The following MEI4 variants were observed in gnomAD, a reference collection of about 807,000 sequenced individuals.
MEI4 encodes the protein meiosis-specific protein MEI4.
Under a neutral mutation model 31.4 loss-of-function variants are expected in MEI4, and 27 were observed. The observed-to-expected ratio is 0.86, with a 90% confidence interval of 0.63 to 1.19. The LOEUF (loss-of-function observed/expected upper bound fraction) is 1.19. Among genes scored for constraint, MEI4 ranks in the 50% most tolerant of loss-of-function variants. The pLI is 0.00. For synonymous variants in MEI4, 122 were observed against 145.4 expected (o/e 0.84, Z 1.16); for missense variants, 329 against 398.9 (o/e 0.82, Z 1.49).
At position 77,925,390 on chromosome 6, in the gene MEI4, T is replaced by A. The variant is rs1054074928; in HGVS notation, c.*2044T>A. On this transcript the variant is annotated 3_prime_UTR_variant, in exon 5 of 5. Transcript: ENST00000684080. ...TATGATACTTTAATTATCCTGGGTT[T>A]CAGTCTATATCAGAGTGAATGGTGT... The A allele has an allele frequency of 6.6e-5, 10 of 151,842 alleles. No individual in the cohort carries two copies. The highest frequency in any genetic ancestry group is 2.4e-4 in the African/African-American group (10 of 41,398). The allele number at this position is 151,842 out of a possible 1,614,324, so 9.4% of individuals were successfully genotyped here.
chr6:77,665,027 G>A (rs531341343), intron 1 of MEI4, among the ~76,000 whole-genome samples: 9 of 151,736 alleles, frequency 5.9e-5, no homozygotes, highest in African/African-American at 2.4e-5. Flanking sequence ...AGTGAAGGAA[G>A]CAAGCCTAGA....
Position 77,829,082 on chromosome 6 carries a change from G to T in MEI4, c.900+20G>T. On this transcript the variant is annotated intron_variant, in intron 4 of 4. Coordinates refer to ENST00000684080, the MANE Select transcript of MEI4 (RefSeq NM_001322247.2). ...AATCAGGTACACATAACTTGAAACTGTAGTTCTCATATATAGTTATTGTAA... is the reference window on the plus strand; with the variant it reads ...AATCAGGTACACATAACTTGAAACTTTAGTTCTCATATATAGTTATTGTAA... The T allele has an allele frequency of 8.1e-7, 1 of 1,229,296 alleles. No individual in the cohort carries two copies. The highest frequency in any genetic ancestry group is 3.2e-5 in the East Asian group (1 of 31,632). The allele number at this position is 1,229,296 out of a possible 1,614,324, so 76.1% of individuals were successfully genotyped here. A position where few individuals can be genotyped will look rare whatever the true frequency, so the allele number is the denominator to read the frequency against.
intron 3 of MEI4, among the ~76,000 whole-genome samples, chr6:77,777,309 CAA>C (rs1271414115): frequency 6.6e-6 from 1 of 152,032 alleles, no homozygotes; most frequent in Non-Finnish European, 1.5e-5. Context: ...GTACAATCTG[CAA>C]AAGACTCATA....
At position 77,686,184 on chromosome 6, in the gene MEI4, A is replaced by C. The variant is rs9448146; in HGVS notation, c.-14-4474A>C. ...TGGCACCGTGCCTCTCTACAATCTG[A>C]AGAACCATGAGCCAAATAAACCTAT... On this transcript the variant is annotated intron_variant, in intron 1 of 4. Transcript: ENST00000684080. Among the ~76,000 whole-genome samples, 1,225 of 152,306 alleles carry C rather than the reference A, an allele frequency of 8.0e-3. 14 individuals are homozygous for C. The highest frequency in any genetic ancestry group is 0.027 in the African/African-American group (1,109 of 41,568).
rs146121941 is a variant in MEI4 at position 77,830,607 on chromosome 6, G to A, written c.900+1545G>A. ...AACTAGTGTCAGGCAGGTTTATGTT[G>A]TTGAATTCTGTTTGCTTGTATTTTG... On this transcript the variant is annotated intron_variant, in intron 4 of 4. Coordinates refer to ENST00000684080, the MANE Select transcript of MEI4 (RefSeq NM_001322247.2). Among the ~76,000 whole-genome samples, 212 of 152,182 alleles carry A rather than the reference G, an allele frequency of 1.4e-3. 1 individual carries two copies. Among genetic ancestry groups the A allele is most frequent in the African/African-American group, 4.5e-3 (186 of 41,562 alleles).
Position 77,698,414 on chromosome 6 carries a change from C to A in MEI4, c.232+7511C>A, listed in dbSNP as rs1338276265. On this transcript the variant is annotated intron_variant, in intron 2 of 4. Coordinates refer to ENST00000684080, the MANE Select transcript of MEI4 (RefSeq NM_001322247.2). ...TTTGCAGTGGCTGGTACCGGTTGTT[C>A]CTTTCTATGTTTAGTGCTTCCTTCA... is the stretch of plus-strand genomic sequence containing the variant. 2.0e-5 allele frequency among the ~76,000 whole-genome samples: 3 copies of A among 152,050 alleles called. No homozygotes were observed. The South Asian group carries it at 6.2e-4, about 32-fold the overall frequency.
intron 3 of MEI4, among the ~76,000 whole-genome samples, chr6:77,786,338 C>T (rs924433923): frequency 9.2e-5 from 14 of 151,846 alleles, no homozygotes; most frequent in Non-Finnish European, 2.1e-4. Context: ...AACATGTTAA[C>T]CTTGAATTTA....
intron 4 of MEI4, among the ~76,000 whole-genome samples, chr6:77,896,414 C>T (rs1357373331): frequency 6.6e-6 from 1 of 152,058 alleles, no homozygotes; most frequent in Non-Finnish European, 1.5e-5. Context: ...GAGCACATTA[C>T]TTAGGGATCA....
At chr6:77,673,992 G>T (rs17776162) in intron 1 of MEI4, among the ~76,000 whole-genome samples, 278 of 152,308 alleles carry the variant, frequency 1.8e-3, no homozygotes, top group Middle Eastern at 3.4e-3. Context: ...AGCATTTAAT[G>T]TTTGATTATT....
intron 1 of MEI4, among the ~76,000 whole-genome samples, chr6:77,685,071 G>A (rs142695182): frequency 9.2e-5 from 14 of 152,260 alleles, no homozygotes; most frequent in African/African-American, 3.4e-4. Flanking sequence ...ATATCTAATT[G>A]TAGTTTTGAT....
chr6:77,776,338 A>G lies in MEI4; in HGVS notation c.768+14673A>G, dbSNP rs912499240. Among the ~76,000 whole-genome samples, 20 of 152,052 alleles carry G rather than the reference A, an allele frequency of 1.3e-4. 1 individual carries two copies. The highest frequency in any genetic ancestry group is 2.9e-5 in the Non-Finnish European group (2 of 68,016). The stretch of plus-strand genomic sequence containing the variant: ...TTTTGACTCTTACCCTTTGATTTTA[A>G]TAAAATATCTATGCCTTCTTCCAAA... On this transcript the variant is annotated intron_variant, in intron 3 of 4. Transcript: ENST00000684080.
chr6:77,871,271 C>T (rs1183770385), intron 4 of MEI4, among the ~76,000 whole-genome samples: 3 of 152,078 alleles, frequency 2.0e-5, no homozygotes, highest in Admixed American at 6.6e-5. Context: ...CTTGACCCCT[C>T]GTGTTCTTTC....
chr6:77,713,838 T>C (rs1766519790), intron 2 of MEI4, among the ~76,000 whole-genome samples: 1 of 152,204 alleles, frequency 6.6e-6, no homozygotes. Context: ...CTGTTAAACA[T>C]CATCTCTACT....
chr6:77,756,643 C>G (rs1186280852), intron 2 of MEI4, among the ~76,000 whole-genome samples: 1 of 148,262 alleles, frequency 6.7e-6, no homozygotes, highest in Non-Finnish European at 1.5e-5. Flanking sequence ...CTCTCTCTTT[C>G]TCTCCCTCTT....
chr6:77,889,472 TG>T (rs1268969361), intron 4 of MEI4, among the ~76,000 whole-genome samples: 1 of 152,130 alleles, frequency 6.6e-6, no homozygotes, highest in African/African-American at 2.4e-5. Flanking sequence ...TTGAGAGAGA[TG>T]ATTTAGGGTA....
chr6:77,867,428 A>G (rs1274774968), intron 4 of MEI4, among the ~76,000 whole-genome samples: 2 of 152,220 alleles, frequency 1.3e-5, no homozygotes, highest in African/African-American at 4.8e-5. Flanking sequence ...ACACTTCTCA[A>G]AAGAAGACAT....
intron 2 of MEI4, among the ~76,000 whole-genome samples, chr6:77,753,024 G>A (rs964547687): frequency 6.6e-6 from 1 of 152,118 alleles, no homozygotes; most frequent in African/African-American, 2.4e-5. Flanking sequence ...TTTAATAAAT[G>A]GTTTTGGGAA....
At chr6:77,726,390 A>C (rs1159123177) in intron 2 of MEI4, among the ~76,000 whole-genome samples, 1 of 152,168 alleles carries the variant, frequency 6.6e-6, no homozygotes, top group Admixed American at 6.5e-5. Flanking sequence ...GAAGATCCAA[A>C]CACCTGAGAC....
At chr6:77,667,752 T>C (rs1768665427) in intron 1 of MEI4, among the ~76,000 whole-genome samples, 1 of 151,968 alleles carries the variant, frequency 6.6e-6, no homozygotes, top group Non-Finnish European at 1.5e-5. Flanking sequence ...GGAGAACCTG[T>C]AGGCAGGAAA....
Sources: gnomAD v4.1 joint callset for allele counts (sites outside exome capture counted in the v4.1 genomes callset) on GRCh38, gnomAD v4.1.1 for gene constraint, MANE v1.5 for transcripts, NCBI Gene and HGNC (gene_info 2026-07-23, HGNC 2026-07-21) for gene names.